Variants in TAFA1 observed in about 807,000 individuals in gnomAD.
The protein encoded by TAFA1 is TAFA chemokine like family member 1, also known as chemokine-like protein TAFA-1.
Under a neutral mutation model 18.5 loss-of-function variants are expected in TAFA1, and 4 were observed. The ratio of observed to expected loss-of-function variants is 0.22; its 90% CI spans 0.11 to 0.49. TAFA1 has a LOEUF of 0.49. TAFA1 is among the 20% of genes least tolerant of loss of function. The probability of loss-of-function intolerance (pLI) is 0.98; values close to 1 mark genes in which losing one functional copy is unlikely to be tolerated. For synonymous variants in TAFA1, 56 were observed against 55.2 expected, an observed-to-expected ratio of 1.01 and a Z score of -0.06; for missense variants, 147 against 169.0, an observed-to-expected ratio of 0.87 and a Z score of 0.72.
chr3:68,449,769 A>G, intron 3 of TAFA1, among the ~76,000 whole-genome samples: 1 of 152,184 alleles, frequency 6.6e-6, no homozygotes, highest in Non-Finnish European at 1.5e-5. Flanking sequence ...ATCAAGCTTA[A>G]AGCACATTTT....
chr3:68,126,531 T>C (rs1381506013), intron 2 of TAFA1, among the ~76,000 whole-genome samples: 1 of 152,218 alleles, frequency 6.6e-6, no homozygotes, highest in Admixed American at 6.5e-5. Flanking sequence ...TTCTCTATCT[T>C]TTCAAAAATG....
intron 2 of TAFA1, among the ~76,000 whole-genome samples, chr3:68,215,218 A>G (rs1022410232): frequency 1.3e-5 from 2 of 152,090 alleles, no homozygotes; most frequent in African/African-American, 2.4e-5. Flanking sequence ...AGCACTTTCC[A>G]TGCATTATTC....
In TAFA1 at chr3:68,370,494, A is replaced by ATG. The variant is rs1559637876; in HGVS notation, c.119-46785_119-46784insGT. Among the ~76,000 whole-genome samples, 522 of 81,222 alleles carry ATG rather than the reference A, an allele frequency of 6.4e-3. 25 individuals are homozygous for ATG. Among genetic ancestry groups the ATG allele is most frequent in the South Asian group, 0.024 (54 of 2,242 alleles). 53.3% of individuals were successfully genotyped at this position (81,222 alleles called of 152,430 possible). ...TGTGTATATATATATATATATATAT[A>ATG]TATATATATATATATATATATACCC... On this transcript the variant is annotated intron_variant, in intron 2 of 4. Coordinates refer to ENST00000478136, the MANE Select transcript of TAFA1 (RefSeq NM_213609.4).
At chr3:68,068,245 A>G (rs1320850959) in intron 2 of TAFA1, among the ~76,000 whole-genome samples, 1 of 152,230 alleles carries the variant, frequency 6.6e-6, no homozygotes, top group Admixed American at 6.5e-5. Flanking sequence ...AAAATAAGAC[A>G]TACAGAAAGA....
intron 2 of TAFA1, among the ~76,000 whole-genome samples, chr3:68,310,507 TA>T (rs1559611485): frequency 6.6e-6 from 1 of 152,232 alleles, no homozygotes; most frequent in African/African-American, 2.4e-5. Flanking sequence ...TATTCCTTGG[TA>T]AATTTCCAAT....
chr3:68,437,910 T>C (rs545768366), intron 3 of TAFA1, among the ~76,000 whole-genome samples: 1 of 152,212 alleles, frequency 6.6e-6, no homozygotes, highest in East Asian at 1.9e-4. Context: ...TCCGTCTACT[T>C]TTTTGTGAAA....
intron 2 of TAFA1, among the ~76,000 whole-genome samples, chr3:68,357,508 A>G (rs2069387985): frequency 6.6e-6 from 1 of 151,920 alleles, no homozygotes; most frequent in South Asian, 2.1e-4. Flanking sequence ...AGCTAGGGTA[A>G]TAGTTGTGTA....
intron 2 of TAFA1, among the ~76,000 whole-genome samples, chr3:68,305,897 C>T (rs2068409992): frequency 6.6e-6 from 1 of 152,152 alleles, no homozygotes; most frequent in Non-Finnish European, 1.5e-5. Context: ...GACATGATAA[C>T]ACTACAAGGC....
Position 68,489,041 on chromosome 3 carries a change from T to C in TAFA1, c.260-49715T>C, listed in dbSNP as rs192464928. On this transcript the variant is annotated intron_variant, in intron 3 of 4. Transcript: ENST00000478136. ...ACAACTTTCATATTATTATCCTCATTTGGAACATAAGAAAACTGAGACTAA... is the reference window on the plus strand; with the variant it reads ...ACAACTTTCATATTATTATCCTCATCTGGAACATAAGAAAACTGAGACTAA... Among the ~76,000 whole-genome samples, 292 of 152,334 alleles carry C rather than the reference T, an allele frequency of 1.9e-3. 2 individuals are homozygous for C. Among genetic ancestry groups the C allele is most frequent in the African/African-American group, 6.6e-3 (276 of 41,564 alleles).
At chr3:68,179,789 T>C (rs961875285) in intron 2 of TAFA1, among the ~76,000 whole-genome samples, 13 of 152,068 alleles carry the variant, frequency 8.5e-5, no homozygotes, top group Admixed American at 2.0e-4. Flanking sequence ...ATAGTTTCTT[T>C]TGGATTGTCA....
At chr3:68,038,489 T>C (rs539692909) in intron 2 of TAFA1, among the ~76,000 whole-genome samples, 16 of 152,264 alleles carry the variant, frequency 1.1e-4, no homozygotes, top group South Asian at 2.1e-4. Flanking sequence ...CACGTTCCTC[T>C]CTGCTCACAG....
At chr3:68,483,305 T>C (rs1050161989) in intron 3 of TAFA1, among the ~76,000 whole-genome samples, 1 of 110,926 alleles carries the variant, frequency 9.0e-6, no homozygotes, top group African/African-American at 3.5e-5. Context: ...CCAAGTATGG[T>C]CTCTTTCAAA....
chr3:68,084,704 A>G (rs1006293889), intron 2 of TAFA1, among the ~76,000 whole-genome samples: 1 of 151,850 alleles, frequency 6.6e-6, no homozygotes, highest in African/African-American at 2.4e-5. Flanking sequence ...AGGCTCAGGC[A>G]GGAGAATCGC....
intron 2 of TAFA1, among the ~76,000 whole-genome samples, chr3:68,018,336 A>C (rs1704610479): frequency 6.6e-6 from 1 of 152,140 alleles, no homozygotes; most frequent in Non-Finnish European, 1.5e-5. Context: ...CCTTTGAATT[A>C]TTGTTATCTT....
intron 2 of TAFA1, among the ~76,000 whole-genome samples, chr3:68,222,558 T>C (rs2066743832): frequency 6.6e-6 from 1 of 152,224 alleles, no homozygotes; most frequent in South Asian, 2.1e-4. Flanking sequence ...AGTTTATTTG[T>C]ACAGGATCTT....
rs182684268 is a variant in TAFA1 at position 68,423,591 on chromosome 3, T to C, written c.259+6171T>C. Among the ~76,000 whole-genome samples the C allele has an allele frequency of 9.9e-4, 151 of 152,214 alleles. 1 individual carries two copies. The highest frequency in any genetic ancestry group is 3.5e-3 in the African/African-American group (145 of 41,566). ...AATACCTGCCCCTTTTTTTTCTACA[T>C]CATAAAGATGATTGCACTTTCATTG... is the stretch of plus-strand genomic sequence containing the variant. On this transcript the variant is annotated intron_variant, in intron 3 of 4. Transcript: ENST00000478136.
chr3:68,128,401 C>G (rs935831982), intron 2 of TAFA1, among the ~76,000 whole-genome samples: 1 of 152,154 alleles, frequency 6.6e-6, no homozygotes, highest in East Asian at 1.9e-4. Context: ...CCAACCACAA[C>G]TTTATTAGCC....
chr3:68,367,300 C>T (rs756327248), intron 2 of TAFA1, among the ~76,000 whole-genome samples: 16 of 152,170 alleles, frequency 1.1e-4, no homozygotes, highest in Non-Finnish European at 1.9e-4. Flanking sequence ...GTAATCTCAA[C>T]CTGTTTACCA....
intron 2 of TAFA1, among the ~76,000 whole-genome samples, chr3:68,339,212 A>G (rs2069037498): frequency 6.6e-6 from 1 of 152,246 alleles, no homozygotes; most frequent in South Asian, 2.1e-4. Context: ...TTTTCTTCTC[A>G]TGCTCACTGA....
Sources: allele counts gnomAD v4.1 joint callset (sites outside exome capture counted in the v4.1 genomes callset), GRCh38; gene constraint gnomAD v4.1.1; transcripts MANE v1.5; gene names NCBI Gene and HGNC (gene_info 2026-07-23, HGNC 2026-07-21).